The following PM20D2 variants were observed in gnomAD, a reference collection of about 807,000 sequenced individuals.
The protein encoded by PM20D2 is peptidase M20 domain containing 2, also known as xaa-Arg dipeptidase.
PM20D2 carries 33 observed loss-of-function variants against 42.9 expected under a neutral mutation model. The observed-to-expected ratio is 0.77, with a 90% CI of 0.58 to 1.03. The LOEUF (loss-of-function observed/expected upper bound fraction) is 1.03, where lower values mean the gene tolerates loss of function less well. Among genes scored for constraint, PM20D2 ranks in the 50% least tolerant of loss-of-function variants. The pLI is 0.00. For missense variants in PM20D2, 548 were observed against 557.0 expected, an observed-to-expected ratio of 0.98 and a Z score of 0.16; for synonymous variants, 250 against 228.2, an observed-to-expected ratio of 1.10 and a Z score of -0.86.
the PM20D2 span, among the ~76,000 whole-genome samples, chr6:89,114,912 T>G: frequency 1.3e-5 from 2 of 151,920 alleles, no homozygotes; most frequent in Non-Finnish European, 2.9e-5. Flanking sequence ...TTCTCCTGTC[T>G]CCGCCTCCCG....
chr6:89,140,060 C>A, the PM20D2 span, among the ~76,000 whole-genome samples: 434 of 152,264 alleles, frequency 2.9e-3, 1 homozygote, highest in Middle Eastern at 0.01. Flanking sequence ...CATGCAGAGA[C>A]AGAGAGCTGG....
the PM20D2 span, among the ~76,000 whole-genome samples, chr6:89,101,200 GA>G: frequency 3.3e-5 from 5 of 151,102 alleles, no homozygotes; most frequent in Non-Finnish European, 5.9e-5. Flanking sequence ...GGAATTTTAA[GA>G]AATCCCTAAA....
At chr6:89,113,567 C>T in the PM20D2 span, among the ~76,000 whole-genome samples, 1 of 152,164 alleles carries the variant, frequency 6.6e-6, no homozygotes, top group South Asian at 2.1e-4. Flanking sequence ...CCTCGGCCTC[C>T]CAAAGTGCTG....
the PM20D2 span, among the ~76,000 whole-genome samples, chr6:89,110,943 C>G: frequency 1.3e-5 from 2 of 151,826 alleles, no homozygotes; most frequent in African/African-American, 2.4e-5. Context: ...TAGTGAGACC[C>G]CCATCTCTAC....
the PM20D2 span, among the ~76,000 whole-genome samples, chr6:89,104,362 G>C: frequency 6.6e-6 from 1 of 151,420 alleles, no homozygotes; most frequent in Admixed American, 6.6e-5. Context: ...TCAACCTCCT[G>C]AGTAGCTGGG....
the PM20D2 span, among the ~76,000 whole-genome samples, chr6:89,132,595 CA>C: frequency 6.6e-6 from 1 of 151,212 alleles, no homozygotes; most frequent in East Asian, 1.9e-4. Context: ...CTTGTAATCC[CA>C]ACACTTTGGG....
chr6:89,126,092 A>C, the PM20D2 span, among the ~76,000 whole-genome samples: 1 of 152,014 alleles, frequency 6.6e-6, no homozygotes. Context: ...TCTCAAAAAA[A>C]AAAAAAGTAA....
the PM20D2 span, among the ~76,000 whole-genome samples, chr6:89,133,480 G>C: frequency 6.6e-6 from 1 of 151,010 alleles, no homozygotes; most frequent in Non-Finnish European, 1.5e-5. Flanking sequence ...TGGCTGCATA[G>C]AGTGGCAGTC....
At chr6:89,097,300 T>C in the PM20D2 span, 3 of 152,158 alleles carry the variant, frequency 2.0e-5, no homozygotes, top group Non-Finnish European at 4.4e-5. Context: ...ATATCCCCTA[T>C]AATAATCATA....
the PM20D2 span, chr6:89,105,120 C>CT: frequency 1.9e-6 from 3 of 1,611,050 alleles, no homozygotes; most frequent in Non-Finnish European, 2.5e-6. Context: ...TATACTCACT[C>CT]TTTAAGGCTG....
At chr6:89,130,545 C>T in the PM20D2 span, among the ~76,000 whole-genome samples, 6 of 152,342 alleles carry the variant, frequency 3.9e-5, no homozygotes, top group South Asian at 2.1e-4. Flanking sequence ...TCTCTCATTT[C>T]TCCTATCAGT....
chr6:89,154,336 T>C (rs1308737257), intron 3 of PM20D2, among the ~76,000 whole-genome samples: 2 of 152,232 alleles, frequency 1.3e-5, no homozygotes, highest in Non-Finnish European at 2.9e-5. Flanking sequence ...AAATGCCATT[T>C]AAAATGCTCA....
chr6:89,104,097 A>G, the PM20D2 span, among the ~76,000 whole-genome samples: 1 of 143,354 alleles, frequency 7.0e-6, no homozygotes, highest in Non-Finnish European at 1.5e-5. Flanking sequence ...TCAGCCTCCC[A>G]AAGTGCTGAG....
At chr6:89,126,851 T>G in the PM20D2 span, among the ~76,000 whole-genome samples, 1 of 151,922 alleles carries the variant, frequency 6.6e-6, no homozygotes. Flanking sequence ...GAGGGAAAAA[T>G]GTACACAATG....
chr6:89,141,804 C>T (rs10223765), upstream of PM20D2, among the ~76,000 whole-genome samples: 54,943 of 151,692 alleles, frequency 0.36, 10,912 homozygotes, highest in African/African-American at 0.54. Flanking sequence ...AGCCATTGTC[C>T]AAGTTTTATT....
chr6:89,147,587 G>A (rs1408905833), intron 1 of PM20D2, among the ~76,000 whole-genome samples: 2 of 152,042 alleles, frequency 1.3e-5, no homozygotes, highest in African/African-American at 2.4e-5. Flanking sequence ...CGTTTTTAAA[G>A]GTTCTGAGTA....
Position 89,160,366 on chromosome 6 carries a change from C to A in PM20D2, c.1049-1417C>A, listed in dbSNP as rs1000828735. ...CTTCATGTTTAAAATGGAAACTGTT[C>A]TAAATATTAATGAGAATACATACAA... is the stretch of plus-strand genomic sequence containing the variant. On this transcript the variant is annotated intron_variant, in intron 5 of 6. Transcript: ENST00000275072. Among the ~76,000 whole-genome samples the A allele has an allele frequency of 3.3e-5, 5 of 152,258 alleles. 1 individual carries two copies. In the South Asian group the frequency reaches 1.0e-3, roughly 32 times the overall value.
At chr6:89,151,951 A>G (rs1485062333) in intron 2 of PM20D2, among the ~76,000 whole-genome samples, 1 of 152,024 alleles carries the variant, frequency 6.6e-6, no homozygotes, top group Non-Finnish European at 1.5e-5. Flanking sequence ...TTAACTGGGC[A>G]TGGAGCACTC....
upstream of PM20D2, among the ~76,000 whole-genome samples, chr6:89,145,225 A>G (rs1162647734): frequency 1.3e-5 from 2 of 152,222 alleles, no homozygotes; most frequent in Non-Finnish European, 2.9e-5. Flanking sequence ...GAAAAACAAG[A>G]GCATGACATC....
Sources: allele counts gnomAD v4.1 joint callset (sites outside exome capture counted in the v4.1 genomes callset), GRCh38; gene constraint gnomAD v4.1.1; transcripts MANE v1.5; gene names NCBI Gene and HGNC (gene_info 2026-07-23, HGNC 2026-07-21).